The following TRIM17 variants were observed in gnomAD, a reference collection of about 807,000 sequenced individuals.
The protein encoded by TRIM17 is E3 ubiquitin-protein ligase TRIM17.
Under a neutral mutation model 35.8 loss-of-function variants are expected in TRIM17, and 27 were observed. The ratio of observed to expected loss-of-function variants is 0.75; its 90% CI spans 0.56 to 1.04. TRIM17 has a LOEUF of 1.04. Among genes scored for constraint, TRIM17 ranks in the 50% least tolerant of loss-of-function variants. TRIM17 has a pLI of 0.00. For synonymous variants in TRIM17, 246 were observed against 252.6 expected (o/e 0.97, Z 0.25); for missense variants, 582 against 612.8 (o/e 0.95, Z 0.53).
chr1:228,413,987 G>A (rs1239045936), intron 2 of TRIM17, 95 bp from the exon 3 acceptor site: 5 of 988,630 alleles, frequency 5.1e-6, no homozygotes, highest in African/African-American at 4.8e-5. Flanking sequence ...ACCCACCCCA[G>A]AGACCCTCCT....
intron 3 of TRIM17, among the ~76,000 whole-genome samples, chr1:228,412,527 G>A (rs941563231): frequency 6.8e-6 from 1 of 146,566 alleles, no homozygotes; most frequent in Non-Finnish European, 1.5e-5. Flanking sequence ...TTGGGAGGCT[G>A]AGGCGGGAAG....
chr1:228,412,977 G>A (rs181010506), intron 3 of TRIM17, among the ~76,000 whole-genome samples: 5 of 152,172 alleles, frequency 3.3e-5, no homozygotes, highest in South Asian at 2.1e-4. Context: ...TTGGGAGGCC[G>A]AGGCAGGCAG....
Position 228,408,938 on chromosome 1 carries a change from A to G in TRIM17, c.884-187T>C. 1.3e-6 allele frequency: 2 copies of G among 1,490,760 alleles called. No individual in the cohort carries two copies. The highest frequency in any genetic ancestry group is 1.8e-6 in the Non-Finnish European group (2 of 1,116,132). The allele number at this position is 1,490,760 out of a possible 1,614,324, so 92.3% of individuals were successfully genotyped here. ...CCAATTGTGTGTGGGCCTTGGTGGCAATAAGGTACAGGGGGCTGGGCAGAG... is the reference window on the plus strand; with the variant it reads ...CCAATTGTGTGTGGGCCTTGGTGGCGATAAGGTACAGGGGGCTGGGCAGAG... On this transcript the variant is annotated intron_variant, in intron 6 of 6. Transcript: ENST00000366698. This position sits in a 1 kb window ranked among gnomAD's most constrained non-coding sequence, Gnocchi z 6.3.
At position 228,410,226 on chromosome 1, in the gene TRIM17, C is replaced by T. The variant is rs546617443; in HGVS notation, c.756+720G>A. Among the ~76,000 whole-genome samples, 1 of 152,110 alleles carries T rather than the reference C, an allele frequency of 6.6e-6. No individual in the cohort carries two copies. Among genetic ancestry groups the T allele is most frequent in the African/African-American group, 2.4e-5 (1 of 41,492 alleles). Reference sequence around the variant, plus strand: ...TCTTCCTGCCTCAGCCTCCTGAGTCCTGGGACCACAGGCGCACGCCACCAT... The same window carrying T: ...TCTTCCTGCCTCAGCCTCCTGAGTCTTGGGACCACAGGCGCACGCCACCAT... On this transcript the variant is annotated intron_variant, in intron 4 of 6. Transcript: ENST00000366698. This position sits in a 1 kb window ranked among gnomAD's most constrained non-coding sequence, Gnocchi z 4.6.
Position 228,416,669 on chromosome 1 carries a change from G to A in TRIM17, c.-172C>T. On this transcript the variant is annotated 5_prime_UTR_variant, in exon 1 of 7. Coordinates refer to ENST00000366698, the MANE Select transcript of TRIM17 (RefSeq NM_016102.4). ...CCGGGGCGTGGGGACCTGGGGTCGGGAGGCCTAGGGACTTTGTGGCGTCAG... is the reference window on the plus strand; with the variant it reads ...CCGGGGCGTGGGGACCTGGGGTCGGAAGGCCTAGGGACTTTGTGGCGTCAG... 1 of 984,280 alleles carries A rather than the reference G, an allele frequency of 1.0e-6. No individual in the cohort carries two copies. Among genetic ancestry groups the A allele is most frequent in the African/African-American group, 1.8e-5 (1 of 57,080 alleles). The allele number at this position is 984,280 out of a possible 1,614,324, so 61.0% of individuals were successfully genotyped here.
At position 228,410,263 on chromosome 1, in the gene TRIM17, AT is replaced by A. The variant is rs1288434329; in HGVS notation, c.756+682del. ...GCGCACGCCACCATGCCCTGCTAAT[AT>A]TTTTAAGTTTTTGTAGAGATGGCGT... is the stretch of plus-strand genomic sequence containing the variant. On this transcript the variant is annotated intron_variant, in intron 4 of 6. Transcript: ENST00000366698. The surrounding 1 kb of genome is among the most constrained non-coding windows in gnomAD (Gnocchi z 4.6). Among the ~76,000 whole-genome samples the A allele has an allele frequency of 6.6e-6, 1 of 151,554 alleles. No individual in the cohort carries two copies. Among genetic ancestry groups the A allele is most frequent in the Non-Finnish European group, 1.5e-5 (1 of 67,858 alleles).
At position 228,415,022 on chromosome 1, in the gene TRIM17, G is replaced by A. The variant is rs758778359; in HGVS notation, c.51C>T (p.Ser17=). Residue 17 remains serine, a synonymous_variant, in exon 2 of 7, where the codon TCC becomes TCT. Transcript: ENST00000366698. ...GGTCTGTGAAGTAATCCAGACAGAT[G>A]GAGCACGTAGCTTCCTCCTGCAGTT... ...ARKLQEEATC[S]ICLDYFTDPV... 6.8e-6 allele frequency: 11 copies of A among 1,610,642 alleles called. No individual in the cohort carries two copies. Among genetic ancestry groups the A allele is most frequent in the Non-Finnish European group, 9.3e-6 (11 of 1,178,082 alleles).
chr1:228,414,561 C>T (rs1656973464), intron 2 of TRIM17, 83 bp downstream of exon 2: 3 of 1,263,068 alleles, frequency 2.4e-6, no homozygotes, highest in Non-Finnish European at 3.4e-6. Context: ...TGGACACCTC[C>T]TCCCTCCCCC....
In TRIM17 at chr1:228,415,096, G is replaced by T; in HGVS notation, c.-24C>A. 6.3e-7 allele frequency: 1 copy of T among 1,583,298 alleles called. No individual in the cohort carries two copies. Among genetic ancestry groups the T allele is most frequent in the Middle Eastern group, 1.7e-4 (1 of 5,900 alleles). On this transcript the variant is annotated 5_prime_UTR_variant, in exon 2 of 7. Coordinates refer to ENST00000366698, the MANE Select transcript of TRIM17 (RefSeq NM_016102.4). ...ATGGCTCCTGGGAGACACGAGGCAG[G>T]TTCCCGCTTGAGGGACTCTGGAGAG... is the stretch of plus-strand genomic sequence containing the variant.
At position 228,414,786 on chromosome 1, in the gene TRIM17, T is replaced by A; in HGVS notation, c.287A>T (p.Gln96Leu). 1 of 1,613,266 alleles carries A rather than the reference T, an allele frequency of 6.2e-7. No individual in the cohort carries two copies. Residue 96 changes from glutamine to leucine, a missense_variant, in exon 2 of 7, where the codon CAA becomes CTA. Physicochemically the swap from Gln to Leu is moderately radical, Grantham distance 113. Transcript: ENST00000366698. ...CTCGTGGTGCTCCTGGCACAGGTCTTGCTTCTGCAGACCAGGATGCTGCTG... is the reference window on the plus strand; with the variant it reads ...CTCGTGGTGCTCCTGGCACAGGTCTAGCTTCTGCAGACCAGGATGCTGCTG... ...MAQQHPGLQK[Q>L]DLCQEHHEPL...
intron 4 of TRIM17, 86 bp from the exon 5 acceptor site, chr1:228,409,497 A>G: frequency 5.2e-6 from 7 of 1,341,840 alleles, no homozygotes; most frequent in Non-Finnish European, 5.0e-6. Context: ...TCCGTGTCTT[A>G]GGGCAAGACC....
rs1574104849 is a variant in TRIM17, at chr1:228,416,713, G to A, written c.-216C>T. 1.0e-6 allele frequency: 1 copy of A among 979,604 alleles called. No individual in the cohort carries two copies. The highest frequency in any genetic ancestry group is 1.2e-6 in the Non-Finnish European group (1 of 825,268). The allele number at this position is 979,604 out of a possible 1,614,324, so 60.7% of individuals were successfully genotyped here. A position where few individuals can be genotyped will look rare whatever the true frequency, so the allele number is the denominator to read the frequency against. ...GCGTCAGCGGGGGCTGGGGGGCGGC[G>A]GGGGAGGGGAATGCTGGGCGAGGGA... On this transcript the variant is annotated 5_prime_UTR_variant, in exon 1 of 7. Transcript: ENST00000366698.
chr1:228,411,034 G>C lies in TRIM17; in HGVS notation c.668C>G (p.Ala223Gly), dbSNP rs751791452. The C allele has an allele frequency of 3.1e-6, 5 of 1,613,292 alleles. No homozygotes were observed. In the East Asian group the frequency reaches 8.9e-5, roughly 29 times the overall value. Residue 223 changes from alanine to glycine, a missense_variant, in exon 4 of 7, where the codon GCC becomes GGC. By Grantham distance (60) the Ala-to-Gly change is moderately conservative (BLOSUM62 0). Transcript: ENST00000366698. The surrounding 1 kb of genome is among the most constrained non-coding windows in gnomAD (Gnocchi z 4.2). ...AGAGTGACCCTGCCGGTCCAGGCAG[G>C]CCACGCTCTCCCGGAGCCTGCTGGC... ...ETASRLRESV[A>G]CLDRQGHSLE...
chr1:228,416,473 T>G lies in TRIM17; in HGVS notation c.-42+66A>C, dbSNP rs529416026. 101 of 985,742 alleles carry G rather than the reference T, an allele frequency of 1.0e-4. 3 individuals are homozygous for G. In the South Asian group the frequency reaches 4.4e-3, roughly 43 times the overall value. The allele number at this position is 985,742 out of a possible 1,614,324, so 61.1% of individuals were successfully genotyped here. A position where few individuals can be genotyped will look rare whatever the true frequency, so the allele number is the denominator to read the frequency against. On this transcript the variant is annotated intron_variant, in intron 1 of 6. Transcript: ENST00000366698. ...CGTTGGAGGGCGAGGAGGACCGGGT[T>G]AGGCTTAGGTCGTGGCCCAGGCGCC... is the stretch of plus-strand genomic sequence containing the variant.
At position 228,408,213 on chromosome 1, in the gene TRIM17, C is replaced by T; in HGVS notation, c.1422G>A (p.Trp474Ter). Residue 474 changes from tryptophan to a stop codon, truncating the protein, a stop_gained, in exon 7 of 7, where the codon TGG becomes TGA. Coordinates refer to ENST00000366698, the MANE Select transcript of TRIM17 (RefSeq NM_016102.4). LOFTEE classifies it high-confidence loss of function. This position sits in a 1 kb window ranked among gnomAD's most constrained non-coding sequence, Gnocchi z 6.3. ...CCCCGGTCTGTGTCTATCCTTTCAC[C>T]CACATGGTCACTGTGGAGATGACCA... ...GQMVISTVTMWVKG is the reference protein window; with the variant it reads ...GQMVISTVTM 6.5e-7 allele frequency: 1 copy of T among 1,528,980 alleles called. No individual in the cohort carries two copies. Among genetic ancestry groups the T allele is most frequent in the Admixed American group, 2.1e-5 (1 of 46,864 alleles). 94.7% of individuals were successfully genotyped at this position (1,528,980 alleles called of 1,614,324 possible). A position where few individuals can be genotyped will look rare whatever the true frequency, so the allele number is the denominator to read the frequency against.
Position 228,408,055 on chromosome 1 carries a change from ATTATAT to A in TRIM17, c.*140_*145del. On this transcript the variant is annotated 3_prime_UTR_variant, in exon 7 of 7. Transcript: ENST00000366698. The surrounding 1 kb of genome is among the most constrained non-coding windows in gnomAD (Gnocchi z 6.3). ...TTAATGTTTGACAGTTCTAATCACAATTATATTTAGAATTTGAGAAACCCCCCTGTG... is the reference window on the plus strand; with the variant it reads ...TTAATGTTTGACAGTTCTAATCACAATTAGAATTTGAGAAACCCCCCTGTG... 1.4e-6 allele frequency: 1 copy of A among 722,650 alleles called. No homozygotes were observed. The highest frequency in any genetic ancestry group is 2.2e-6 in the Non-Finnish European group (1 of 458,320). The allele number at this position is 722,650 out of a possible 1,614,324, so 44.8% of individuals were successfully genotyped here. A position where few individuals can be genotyped will look rare whatever the true frequency, so the allele number is the denominator to read the frequency against.
At position 228,416,838 on chromosome 1, in the gene TRIM17, G is replaced by C. The variant is rs1345892520; in HGVS notation, c.-341C>G. On this transcript the variant is annotated 5_prime_UTR_variant, in exon 1 of 7. Coordinates refer to ENST00000366698, the MANE Select transcript of TRIM17 (RefSeq NM_016102.4). ...GGGTGGAAGGCTCTGGACGAGCCGG[G>C]GACAGGCGCAGCGGGTGCTGACTGG... is the stretch of plus-strand genomic sequence containing the variant. 2.0e-6 allele frequency: 2 copies of C among 984,938 alleles called. No homozygotes were observed. The highest frequency in any genetic ancestry group is 2.4e-6 in the Non-Finnish European group (2 of 829,976). 61.0% of individuals were successfully genotyped at this position (984,938 alleles called of 1,614,324 possible).
intron 3 of TRIM17, among the ~76,000 whole-genome samples, chr1:228,413,287 AAG>A (rs934267081): frequency 3.3e-5 from 5 of 152,142 alleles, no homozygotes; most frequent in African/African-American, 1.2e-4. Flanking sequence ...CTATACCAGA[AAG>A]AGAGTTCCAA....
At position 228,416,655 on chromosome 1, in the gene TRIM17, G is replaced by A. The variant is rs1296900072; in HGVS notation, c.-158C>T. 1.2e-5 allele frequency: 12 copies of A among 985,092 alleles called. No homozygotes were observed. Among genetic ancestry groups the A allele is most frequent in the Non-Finnish European group, 1.4e-5 (12 of 829,912 alleles). 61.0% of individuals were successfully genotyped at this position (985,092 alleles called of 1,614,324 possible). On this transcript the variant is annotated 5_prime_UTR_variant, in exon 1 of 7. Coordinates refer to ENST00000366698, the MANE Select transcript of TRIM17 (RefSeq NM_016102.4). ...GGCTGCGGCCCGGCCCGGGGCGTGG[G>A]GACCTGGGGTCGGGAGGCCTAGGGA...
Sources: gnomAD v4.1 joint callset for allele counts (sites outside exome capture counted in the v4.1 genomes callset) on GRCh38, gnomAD v4.1.1 for gene constraint, Gnocchi (gnomAD v3.1) non-coding constraint, MANE v1.5 for transcripts, NCBI Gene and HGNC (gene_info 2026-07-23, HGNC 2026-07-21) for gene names.